CALD1: variants seen among roughly 807,000 people sequenced by gnomAD.
The protein encoded by CALD1 is caldesmon.
Under a neutral mutation model 99.9 loss-of-function variants are expected in CALD1, and 33 were observed. That is an observed-to-expected ratio of 0.33 (90% confidence interval 0.25 to 0.44). The LOEUF (loss-of-function observed/expected upper bound fraction) is 0.44. Ranked by LOEUF, CALD1 falls within the 20% of genes least tolerant of loss-of-function variation. The pLI is 1.00. For missense variants in CALD1, 861 were observed against 962.1 expected (o/e 0.89, Z 1.39); for synonymous variants, 310 against 325.0 (o/e 0.95, Z 0.50).
chr7:134,794,292 C>T (rs546722025), intron 1 of CALD1, among the ~76,000 whole-genome samples: 13 of 152,254 alleles, frequency 8.5e-5, no homozygotes, highest in African/African-American at 2.9e-4. Flanking sequence ...TAGGCTCGCA[C>T]GGGATGCATT....
chr7:134,875,867 A>C (rs1307851954), intron 3 of CALD1, among the ~76,000 whole-genome samples: 1 of 152,238 alleles, frequency 6.6e-6, no homozygotes, highest in Non-Finnish European at 1.5e-5. Flanking sequence ...ATTTAGCAGA[A>C]AAATAGAAAC....
At position 134,965,380 on chromosome 7, in the gene CALD1, C is replaced by G. The variant is rs757822810; in HGVS notation, c.2370C>G (p.Pro790=). The change falls in exon 14 of 15, where the codon CCC becomes CCG. Residue 790 remains proline (P), a synonymous_variant. Transcript: ENST00000361675. ...EKQSVDKVTS[P]TKV ...AATCTGTGGATAAGGTCACTTCCCC[C>G]ACTAAGGTAATCTATTGGGAAGACT... The G allele has an allele frequency of 4.0e-6, 6 of 1,487,524 alleles. No individual in the cohort carries two copies. Among genetic ancestry groups the G allele is most frequent in the East Asian group, 2.3e-5 (1 of 44,310 alleles). The allele number at this position is 1,487,524 out of a possible 1,614,324, so 92.1% of individuals were successfully genotyped here.
At chr7:134,719,433 A>T in the CALD1 span, among the ~76,000 whole-genome samples, 1 of 152,134 alleles carries the variant, frequency 6.6e-6, no homozygotes, top group African/African-American at 2.4e-5. Flanking sequence ...ACCTGTAAAA[A>T]GTAGCAGAGC....
intron 1 of CALD1, among the ~76,000 whole-genome samples, chr7:134,759,813 G>A (rs567632082): frequency 6.3e-4 from 96 of 152,340 alleles, no homozygotes; most frequent in African/African-American, 2.0e-3. Flanking sequence ...CATGAAGGGT[G>A]GAGGAAAGTC....
chr7:134,785,003 C>T (rs776471976), intron 1 of CALD1, among the ~76,000 whole-genome samples: 7 of 152,204 alleles, frequency 4.6e-5, no homozygotes, highest in East Asian at 1.9e-4. Flanking sequence ...AAGGCACAGG[C>T]GCGCCTAAGG....
At chr7:134,806,378 T>C (rs1798138446) in intron 1 of CALD1, among the ~76,000 whole-genome samples, 1 of 152,208 alleles carries the variant, frequency 6.6e-6, no homozygotes, top group Non-Finnish European at 1.5e-5. Flanking sequence ...TGTTCGTAGA[T>C]GAAATGCCAC....
intron 3 of CALD1, among the ~76,000 whole-genome samples, chr7:134,924,364 G>C (rs1346840227): frequency 6.6e-6 from 1 of 151,944 alleles, no homozygotes; most frequent in East Asian, 1.9e-4. Context: ...AACAATTCAG[G>C]GTACTTTTTT....
chr7:134,766,318 G>A lies in CALD1; in HGVS notation c.-130+21955G>A, dbSNP rs143550314. ...AGGCCACCACACCCGGCTAATTCTT[G>A]TACTTTTAGTAGAGATGCAGTTTCA... On this transcript the variant is annotated intron_variant, in intron 1 of 13. Coordinates refer to the CALD1 transcript ENST00000417172. Among the ~76,000 whole-genome samples, 81 of 151,526 alleles carry A rather than the reference G, an allele frequency of 5.3e-4. No homozygotes were observed. The East Asian group carries it at 0.015, about 28-fold the overall frequency.
chr7:134,718,443 G>A, the CALD1 span, among the ~76,000 whole-genome samples: 1 of 152,048 alleles, frequency 6.6e-6, no homozygotes, highest in African/African-American at 2.4e-5. Context: ...AGCCGAGGCA[G>A]GTTGACTTCT....
chr7:134,718,978 T>C, the CALD1 span, among the ~76,000 whole-genome samples: 1 of 152,206 alleles, frequency 6.6e-6, no homozygotes, highest in South Asian at 2.1e-4. Flanking sequence ...TTCTCACCCA[T>C]GCTAGCCTCA....
chr7:134,715,252 C>T, the CALD1 span, among the ~76,000 whole-genome samples: 1 of 152,194 alleles, frequency 6.6e-6, no homozygotes, highest in Admixed American at 6.5e-5. Context: ...ACTGGGTGAG[C>T]TTGGTTAAGT....
intron 1 of CALD1, among the ~76,000 whole-genome samples, chr7:134,753,960 T>C (rs1796706723): frequency 1.3e-5 from 2 of 152,204 alleles, no homozygotes; most frequent in Admixed American, 1.3e-4. Flanking sequence ...GATTCAACCA[T>C]CTCAGTTAGA....
intron 14 of CALD1, among the ~76,000 whole-genome samples, chr7:134,966,072 T>C (rs1195013081): frequency 6.6e-6 from 1 of 152,138 alleles, no homozygotes; most frequent in Non-Finnish European, 1.5e-5. Context: ...TTTCAAGTAA[T>C]AGACCTCGTG....
chr7:134,942,247 C>A (rs1177315224), intron 7 of CALD1, among the ~76,000 whole-genome samples: 3 of 152,188 alleles, frequency 2.0e-5, no homozygotes, highest in African/African-American at 7.2e-5. Context: ...AGTCATCAAG[C>A]AGGTTTGAGG....
Position 134,940,028 on chromosome 7 carries a change from G to A in CALD1, c.1387-1064G>A, listed in dbSNP as rs548124668. Among the ~76,000 whole-genome samples, 24 of 152,186 alleles carry A rather than the reference G, an allele frequency of 1.6e-4. No homozygotes were observed. In the South Asian group the frequency reaches 5.0e-3, roughly 32 times the overall value. ...AGTATCTGAAGAATAGGTGAGAAGA[G>A]GTGAGTGATCAGGTCAGGATAGAAC... On this transcript the variant is annotated intron_variant, in intron 6 of 14. Transcript: ENST00000361675.
the CALD1 span, among the ~76,000 whole-genome samples, chr7:134,733,771 T>C: frequency 1.3e-5 from 2 of 148,694 alleles, no homozygotes; most frequent in Non-Finnish European, 3.0e-5. Flanking sequence ...ATCGCACCAC[T>C]GCACTCCAGC....
At chr7:134,711,814 T>C in the CALD1 span, among the ~76,000 whole-genome samples, 3 of 150,952 alleles carry the variant, frequency 2.0e-5, no homozygotes, top group Non-Finnish European at 2.9e-5. Flanking sequence ...CAGGCTGTTA[T>C]GTAAAGTGTA....
At chr7:134,751,690 T>C (rs1314329681) in intron 1 of CALD1, among the ~76,000 whole-genome samples, 1 of 152,116 alleles carries the variant, frequency 6.6e-6, no homozygotes, top group African/African-American at 2.4e-5. Context: ...AAGCTTATCA[T>C]CTAGGGCTGG....
intron 3 of CALD1, among the ~76,000 whole-genome samples, chr7:134,871,273 C>G (rs908040839): frequency 6.6e-6 from 1 of 152,082 alleles, no homozygotes; most frequent in African/African-American, 2.4e-5. Flanking sequence ...ATGCAGTATA[C>G]CTGAGCCCAG....
Sources: allele counts gnomAD v4.1 joint callset (sites outside exome capture counted in the v4.1 genomes callset), GRCh38; gene constraint gnomAD v4.1.1; transcripts MANE v1.5; gene names NCBI Gene and HGNC (gene_info 2026-07-23, HGNC 2026-07-21).